CTDSPL: variants seen among roughly 807,000 people sequenced by gnomAD.
The protein encoded by CTDSPL is CTD small phosphatase-like protein.
A neutral mutation model predicts 30.5 loss-of-function variants in CTDSPL; 8 were observed. The observed-to-expected ratio is 0.26, with a 90% CI of 0.15 to 0.47. The LOEUF (loss-of-function observed/expected upper bound fraction) is 0.47, where lower values mean the gene tolerates loss of function less well. CTDSPL is among the 20% of genes least tolerant of loss of function. The pLI, the probability that CTDSPL is intolerant of heterozygous loss-of-function variation, is 0.99. For missense variants in CTDSPL, 248 were observed against 366.1 expected, an observed-to-expected ratio of 0.68 and a Z score of 2.63; for synonymous variants, 110 against 137.9, an observed-to-expected ratio of 0.80 and a Z score of 1.42.
At chr3:37,969,634 G>A (rs79726899) in intron 5 of CTDSPL, among the ~76,000 whole-genome samples, 49 of 152,310 alleles carry the variant, frequency 3.2e-4, no homozygotes, top group African/African-American at 1.1e-3. Context: ...GGCCACACCC[G>A]TTTGCTGGCA....
chr3:37,969,506 C>T (rs1427818639), intron 5 of CTDSPL: 1 of 460,904 alleles, frequency 2.2e-6, no homozygotes, highest in Admixed American at 2.4e-5. Context: ...CATCCGGGCT[C>T]AGGACCCCCC....
chr3:37,958,870 T>C (rs1699204678), intron 3 of CTDSPL, among the ~76,000 whole-genome samples: 1 of 152,208 alleles, frequency 6.6e-6, no homozygotes. Context: ...TGATTTCCAC[T>C]GACTGCTTAG....
chr3:37,888,838 A>G (rs1284224579), intron 1 of CTDSPL, among the ~76,000 whole-genome samples: 1 of 152,186 alleles, frequency 6.6e-6, no homozygotes, highest in Non-Finnish European at 1.5e-5. Flanking sequence ...TCCAGGGGTA[A>G]GGAGAGTGCT....
intron 2 of CTDSPL, among the ~76,000 whole-genome samples, chr3:37,953,002 A>G (rs1259345368): frequency 6.6e-6 from 1 of 152,270 alleles, no homozygotes; most frequent in East Asian, 1.9e-4. Flanking sequence ...TAGCCACATT[A>G]ATGAAAATAT....
At chr3:37,915,070 G>T (rs1462630656) in intron 1 of CTDSPL, among the ~76,000 whole-genome samples, 1 of 151,634 alleles carries the variant, frequency 6.6e-6, no homozygotes, top group African/African-American at 2.4e-5. Context: ...TCTTTCCCAA[G>T]AGTTTGTTTA....
intron 1 of CTDSPL, among the ~76,000 whole-genome samples, chr3:37,917,273 TAGAG>T (rs1698659919): frequency 1.3e-5 from 2 of 152,136 alleles, no homozygotes; most frequent in Admixed American, 6.5e-5. Flanking sequence ...AGTCCAGTGG[TAGAG>T]AGGATACATG....
chr3:37,941,347 G>A (rs1698975506), intron 1 of CTDSPL, among the ~76,000 whole-genome samples: 1 of 149,820 alleles, frequency 6.7e-6, no homozygotes, highest in South Asian at 2.2e-4. Flanking sequence ...CTCTCCCTGT[G>A]GGGTATCTGT....
intron 2 of CTDSPL, among the ~76,000 whole-genome samples, chr3:37,949,246 T>G (rs904003222): frequency 2.0e-5 from 3 of 152,220 alleles, no homozygotes; most frequent in Non-Finnish European, 4.4e-5. Flanking sequence ...ATGACACCTT[T>G]CTGGAGGAAA....
At chr3:37,900,688 C>A (rs939789771) in intron 1 of CTDSPL, among the ~76,000 whole-genome samples, 6 of 152,022 alleles carry the variant, frequency 3.9e-5, no homozygotes, top group Non-Finnish European at 7.4e-5. Flanking sequence ...CATGAGGAGA[C>A]CATGGAACCT....
rs1456770757 is a variant in CTDSPL, at chr3:37,981,602, C to G, written c.*735C>G. On this transcript the variant is annotated 3_prime_UTR_variant, in exon 8 of 8. Transcript: ENST00000273179. Reference sequence around the variant, plus strand: ...TTGTGTGGCTCAACACTTTAGGAAACAATAGATTATTTTATATTATTATTT... The same window carrying G: ...TTGTGTGGCTCAACACTTTAGGAAAGAATAGATTATTTTATATTATTATTT... The G allele has an allele frequency of 3.2e-6, 1 of 310,050 alleles. No homozygotes were observed. Among genetic ancestry groups the G allele is most frequent in the Non-Finnish European group, 6.4e-6 (1 of 155,748 alleles). 19.2% of individuals were successfully genotyped at this position (310,050 alleles called of 1,614,324 possible).
At position 37,921,266 on chromosome 3, in the gene CTDSPL, G is replaced by T. The variant is rs147800023; in HGVS notation, c.80-25791G>T. On this transcript the variant is annotated intron_variant, in intron 1 of 7. Coordinates refer to ENST00000273179, the MANE Select transcript of CTDSPL (RefSeq NM_001008392.2). The stretch of plus-strand genomic sequence containing the variant: ...GGAAAAGGATGTTGGAGACTGGATG[G>T]TGTCCCAGATCTTTCCACTGCCCCA... 3.2e-4 allele frequency among the ~76,000 whole-genome samples: 49 copies of T among 152,320 alleles called. 2 individuals carry two copies. In the East Asian group the frequency reaches 7.5e-3, roughly 23 times the overall value.
chr3:37,912,687 G>A (rs1177453949), intron 1 of CTDSPL, among the ~76,000 whole-genome samples: 2 of 152,174 alleles, frequency 1.3e-5, no homozygotes, highest in East Asian at 1.9e-4. Context: ...GACTCTTAAG[G>A]ATTTTGTGAG....
intron 1 of CTDSPL, among the ~76,000 whole-genome samples, chr3:37,869,657 G>A (rs758351995): frequency 6.6e-6 from 1 of 152,124 alleles, no homozygotes; most frequent in Non-Finnish European, 1.5e-5. Context: ...TCGAACAAGA[G>A]TAGTGAGAAT....
At chr3:37,880,035 G>A (rs945103137) in intron 1 of CTDSPL, among the ~76,000 whole-genome samples, 1 of 150,786 alleles carries the variant, frequency 6.6e-6, no homozygotes, top group Non-Finnish European at 1.5e-5. Context: ...AGGTATTTAA[G>A]CACAGTGCTT....
chr3:37,980,898 A>G lies in CTDSPL; in HGVS notation c.*31A>G, dbSNP rs1252502040. On this transcript the variant is annotated 3_prime_UTR_variant, in exon 8 of 8. Coordinates refer to ENST00000273179, the MANE Select transcript of CTDSPL (RefSeq NM_001008392.2). ...GCCTCTGCCTGCCTCCCGCCTGTGC[A>G]CTCTGGAACCTCTGGCCTCAGGGGA... The G allele has an allele frequency of 6.2e-7, 1 of 1,603,686 alleles. No homozygotes were observed. The highest frequency in any genetic ancestry group is 1.1e-5 in the South Asian group (1 of 90,406).
chr3:37,909,493 A>G (rs1698556130), intron 1 of CTDSPL, among the ~76,000 whole-genome samples: 1 of 152,220 alleles, frequency 6.6e-6, no homozygotes, highest in Admixed American at 6.5e-5. Context: ...GGAGCTGGTC[A>G]TTTCCTTCCA....
intron 1 of CTDSPL, among the ~76,000 whole-genome samples, chr3:37,910,597 G>T (rs754883889): frequency 1.2e-4 from 18 of 152,200 alleles, no homozygotes; most frequent in Non-Finnish European, 2.1e-4. Flanking sequence ...CAGTTCATTA[G>T]AAGTAGACAG....
chr3:37,969,582 C>T (rs1262795194), intron 5 of CTDSPL: 1 of 356,506 alleles, frequency 2.8e-6, no homozygotes, highest in Non-Finnish European at 5.6e-6. Flanking sequence ...TGTAGCAAAG[C>T]TTGCTTTCCA....
At chr3:37,863,811 C>G (rs1207377992) in intron 1 of CTDSPL, among the ~76,000 whole-genome samples, 1 of 152,232 alleles carries the variant, frequency 6.6e-6, no homozygotes, top group Non-Finnish European at 1.5e-5. Context: ...GGGCATTTGT[C>G]AACCTGTTTG....
Sources: gnomAD v4.1 joint callset for allele counts (sites outside exome capture counted in the v4.1 genomes callset) on GRCh38, gnomAD v4.1.1 for gene constraint, MANE v1.5 for transcripts, NCBI Gene and HGNC (gene_info 2026-07-23, HGNC 2026-07-21) for gene names.